Variants in LCK observed in about 807,000 individuals in gnomAD.
The protein encoded by LCK is LCK proto-oncogene, Src family tyrosine kinase, also known as tyrosine-protein kinase Lck.
Under a neutral mutation model 64.6 loss-of-function variants are expected in LCK, and 14 were observed. The ratio of observed to expected loss-of-function variants is 0.22; its 90% CI spans 0.14 to 0.34. LCK has a LOEUF of 0.34. Ranked by LOEUF, LCK falls within the 10% of genes least tolerant of loss-of-function variation. LCK has a pLI of 1.00. For synonymous variants in LCK, 277 were observed against 263.6 expected, an observed-to-expected ratio of 1.05 and a Z score of -0.49; for missense variants, 434 against 668.1, an observed-to-expected ratio of 0.65 and a Z score of 3.86.
chr1:32,271,298 C>G (rs1289179959), intron 1 of LCK, among the ~76,000 whole-genome samples: 1 of 152,056 alleles, frequency 6.6e-6, no homozygotes, highest in South Asian at 2.1e-4. Context: ...CCACCACGCC[C>G]GGCCAGCAAC....
Position 32,274,138 on chromosome 1 carries a change from T to C in LCK, c.-5-187T>C, listed in dbSNP as rs1569948195. The C allele has an allele frequency of 2.3e-6, 3 of 1,296,730 alleles. No individual in the cohort carries two copies. In the East Asian group the frequency reaches 7.7e-5, roughly 33 times the overall value. 80.3% of individuals were successfully genotyped at this position (1,296,730 alleles called of 1,614,324 possible). A position where few individuals can be genotyped will look rare whatever the true frequency, so the allele number is the denominator to read the frequency against. ...GTGAATTTACTTGTAGCCTGAGGGC[T>C]CAGAGGGAGCACCGGTTTGGAGCTG... On this transcript the variant is annotated intron_variant, in intron 1 of 12. Transcript: ENST00000336890.
intron 1 of LCK, among the ~76,000 whole-genome samples, chr1:32,254,465 C>T (rs905567426): frequency 6.6e-6 from 1 of 152,180 alleles, no homozygotes; most frequent in East Asian, 1.9e-4. Flanking sequence ...GGATTACAGG[C>T]GTGTGCCACC....
chr1:32,263,374 C>A (rs1239938714), intron 1 of LCK, among the ~76,000 whole-genome samples: 2 of 150,866 alleles, frequency 1.3e-5, no homozygotes, highest in Non-Finnish European at 3.0e-5. Context: ...GCCTGGGGGA[C>A]AGAGGAAGAC....
intron 1 of LCK, among the ~76,000 whole-genome samples, chr1:32,271,936 C>T (rs1385650917): frequency 6.6e-6 from 1 of 152,086 alleles, no homozygotes; most frequent in African/African-American, 2.4e-5. Flanking sequence ...TTATTGAGGT[C>T]TGAATAGAAT....
At chr1:32,267,779 A>G (rs757306297) in intron 1 of LCK, among the ~76,000 whole-genome samples, 2 of 152,124 alleles carry the variant, frequency 1.3e-5, no homozygotes, top group Non-Finnish European at 2.9e-5. Flanking sequence ...CTGTAATCCC[A>G]GTTACTTGGG....
chr1:32,261,781 G>A lies in LCK; in HGVS notation c.-6+10410G>A, dbSNP rs576836854. 6.0e-5 allele frequency among the ~76,000 whole-genome samples: 9 copies of A among 149,040 alleles called. No individual in the cohort carries two copies. The South Asian group carries it at 1.3e-3, about 21-fold the overall frequency. On this transcript the variant is annotated intron_variant, in intron 1 of 12. Transcript: ENST00000336890. ...AGCCTGACCAACATGGTGAAACCCC[G>A]TCTCTACTAAAAATACAAAAATTAG...
At chr1:32,277,079 A>C (rs1433111471) in intron 9 of LCK, 2 of 199,252 alleles carry the variant, frequency 1.0e-5, no homozygotes, top group East Asian at 2.6e-4. Flanking sequence ...GTGTGGTGGC[A>C]CATGCCTGTA....
chr1:32,275,648 A>G lies in LCK; in HGVS notation c.457A>G (p.Ile153Val). ...CGGGAACACTCACGGCTCCTTCCTCATCCGGGAGAGCGAGAGCACCGCGGG... is the reference window on the plus strand; with the variant it reads ...CGGGAACACTCACGGCTCCTTCCTCGTCCGGGAGAGCGAGAGCACCGCGGG... ...APGNTHGSFL[I>V]RESESTAGSF... Residue 153 changes from isoleucine (I) to valine (V), a missense_variant, in exon 6 of 13, where the codon ATC becomes GTC. Coordinates refer to ENST00000336890, the MANE Select transcript of LCK (RefSeq NM_005356.5). This position sits in a 1 kb window ranked among gnomAD's most constrained non-coding sequence, Gnocchi z 6.9. 6.4e-7 allele frequency: 1 copy of G among 1,567,966 alleles called. No individual in the cohort carries two copies.
intron 9 of LCK, among the ~76,000 whole-genome samples, chr1:32,278,591 G>T (rs1640353643): frequency 6.6e-6 from 1 of 152,098 alleles, no homozygotes; most frequent in Admixed American, 6.6e-5. Context: ...CTCCCGCCTT[G>T]GCCTCCCAAA....
intron 12 of LCK, among the ~76,000 whole-genome samples, chr1:32,282,524 G>T (rs1273737076): frequency 2.0e-5 from 3 of 152,090 alleles, no homozygotes; most frequent in Admixed American, 2.0e-4. Flanking sequence ...GCACTCTAGG[G>T]GCTGGGCACG....
At chr1:32,256,823 G>T (rs79334817) in intron 1 of LCK, among the ~76,000 whole-genome samples, 352 of 152,288 alleles carry the variant, frequency 2.3e-3, no homozygotes, top group African/African-American at 7.9e-3. Context: ...GATTTTAGGG[G>T]ATAATGGATG....
chr1:32,274,269 T>C, intron 1 of LCK, 56 bp from the exon 2 acceptor site: 1 of 1,613,030 alleles, frequency 6.2e-7, no homozygotes, highest in African/African-American at 1.3e-5. Flanking sequence ...TTATATCTGA[T>C]GTTGGGGGAG....
At chr1:32,284,714 C>T (rs574922886) in intron 12 of LCK, among the ~76,000 whole-genome samples, 1 of 152,152 alleles carries the variant, frequency 6.6e-6, no homozygotes, top group Non-Finnish European at 1.5e-5. Context: ...TCATTTAATC[C>T]TCATAACAAT....
intron 1 of LCK, among the ~76,000 whole-genome samples, chr1:32,268,885 C>T (rs1252165913): frequency 2.0e-5 from 3 of 151,068 alleles, no homozygotes; most frequent in Non-Finnish European, 4.4e-5. Context: ...TGCCTGTAAT[C>T]CCAGCACTTT....
chr1:32,253,920 T>C (rs1471509387), intron 1 of LCK, among the ~76,000 whole-genome samples: 1 of 151,944 alleles, frequency 6.6e-6, no homozygotes, highest in Non-Finnish European at 1.5e-5. Context: ...CGTGTACAGA[T>C]GTGTTCAGAG....
chr1:32,283,929 G>A (rs1347465820), intron 12 of LCK, among the ~76,000 whole-genome samples: 1 of 151,990 alleles, frequency 6.6e-6, no homozygotes, highest in Admixed American at 6.6e-5. Context: ...CACCCAGGCT[G>A]GAGTGCAGTG....
At chr1:32,257,748 G>A (rs1323254415) in intron 1 of LCK, among the ~76,000 whole-genome samples, 2 of 152,162 alleles carry the variant, frequency 1.3e-5, no homozygotes, top group East Asian at 3.9e-4. Context: ...AAGTACCCAA[G>A]GGAGCGGACT....
In LCK at chr1:32,276,502, T is replaced by C. The variant is rs1417545886; in HGVS notation, c.784+13T>C. Reference sequence around the variant, plus strand: ...GAGGTGTGGATGGGTGAGTGTGGCCTCCAGGACTGCCTGGGAAGAGGGGAA... The same window carrying C: ...GAGGTGTGGATGGGTGAGTGTGGCCCCCAGGACTGCCTGGGAAGAGGGGAA... On this transcript the variant is annotated intron_variant, in intron 8 of 12. Coordinates refer to ENST00000336890, the MANE Select transcript of LCK (RefSeq NM_005356.5). This position sits in a 1 kb window ranked among gnomAD's most constrained non-coding sequence, Gnocchi z 4.6. The C allele has an allele frequency of 6.2e-7, 1 of 1,600,028 alleles. No homozygotes were observed. The highest frequency in any genetic ancestry group is 1.1e-5 in the South Asian group (1 of 89,244).
At chr1:32,258,825 C>T (rs1248783680) in intron 1 of LCK, among the ~76,000 whole-genome samples, 1 of 147,546 alleles carries the variant, frequency 6.8e-6, no homozygotes, top group African/African-American at 2.5e-5. Context: ...AAAAAAAAAC[C>T]CAGCCTGTGT....
Sources: gnomAD v4.1 joint callset for allele counts (sites outside exome capture counted in the v4.1 genomes callset) on GRCh38, gnomAD v4.1.1 for gene constraint, Gnocchi (gnomAD v3.1) non-coding constraint, MANE v1.5 for transcripts, NCBI Gene and HGNC (gene_info 2026-07-23, HGNC 2026-07-21) for gene names.